The following AGK variants were observed in gnomAD, a reference collection of about 807,000 sequenced individuals.
AGK encodes acylglycerol kinase.
Under a neutral mutation model 66.4 loss-of-function variants are expected in AGK, and 52 were observed. The observed-to-expected ratio is 0.78, with a 90% CI of 0.63 to 0.99. The LOEUF (loss-of-function observed/expected upper bound fraction) is 0.99, where lower values mean the gene tolerates loss of function less well. Ranked by LOEUF, AGK falls within the 50% of genes least tolerant of loss-of-function variation. The pLI, the probability that AGK is intolerant of heterozygous loss-of-function variation, is 0.00. For missense variants in AGK, 451 were observed against 506.6 expected, an observed-to-expected ratio of 0.89 and a Z score of 1.05; for synonymous variants, 182 against 181.1, an observed-to-expected ratio of 1.00 and a Z score of -0.04.
Position 141,555,038 on chromosome 7 carries a change from C to T in AGK, c.-14-415C>T, listed in dbSNP as rs1291748137. 6.6e-6 allele frequency among the ~76,000 whole-genome samples: 1 copy of T among 151,600 alleles called. No homozygotes were observed. The highest frequency in any genetic ancestry group is 6.6e-5 in the Admixed American group (1 of 15,234). On this transcript the variant is annotated intron_variant, in intron 1 of 15. Transcript: ENST00000649286. This position sits in a 1 kb window ranked among gnomAD's most constrained non-coding sequence, Gnocchi z 4.2. ...ATATTATTATTTTTTGGGACACTTA[C>T]ATTATGATGGATAGACAAATGTATA...
At chr7:141,592,979 C>T (rs1402247799) in intron 2 of AGK, among the ~76,000 whole-genome samples, 167 bp from the exon 3 acceptor site, 1 of 149,520 alleles carries the variant, frequency 6.7e-6, no homozygotes, top group Non-Finnish European at 1.5e-5. Flanking sequence ...GCTGGGATTA[C>T]AGGCGTGAGC....
At position 141,638,656 on chromosome 7, in the gene AGK, A is replaced by G. The variant is rs568794246; in HGVS notation, c.726+1639A>G. 1.1e-3 allele frequency among the ~76,000 whole-genome samples: 168 copies of G among 152,306 alleles called. 1 individual carries two copies. The highest frequency in any genetic ancestry group is 3.9e-3 in the African/African-American group (164 of 41,570). On this transcript the variant is annotated intron_variant, in intron 11 of 15. Coordinates refer to ENST00000649286, the MANE Select transcript of AGK (RefSeq NM_018238.4). ...ATTGACAATAGAAGATGGATTAAAG[A>G]ACTCTTAAGTTAGAACCTCAAAAGT...
intron 5 of AGK, among the ~76,000 whole-genome samples, chr7:141,604,514 T>A (rs1197771854): frequency 6.6e-6 from 1 of 150,984 alleles, no homozygotes; most frequent in Non-Finnish European, 1.5e-5. Flanking sequence ...AAGGGCACTC[T>A]CTTATATAAC....
chr7:141,638,543 A>G (rs1269599950), intron 11 of AGK, among the ~76,000 whole-genome samples: 1 of 152,082 alleles, frequency 6.6e-6, no homozygotes, highest in Non-Finnish European at 1.5e-5. Flanking sequence ...AACAGATAGG[A>G]TGTAGGTAGC....
intron 9 of AGK, 35 bp from the exon 10 acceptor site, chr7:141,633,866 G>GT: frequency 6.4e-7 from 1 of 1,562,696 alleles, no homozygotes; most frequent in Non-Finnish European, 8.8e-7. Context: ...AGTGATTATA[G>GT]TCATGAATTT....
chr7:141,558,250 G>A (rs113394694), intron 2 of AGK, among the ~76,000 whole-genome samples: 2,500 of 151,548 alleles, frequency 0.016, 74 homozygotes, highest in African/African-American at 0.056. Context: ...CTCTGCCTCC[G>A]AGGTTCAAGT....
chr7:141,646,015 T>C (rs1246348389), intron 13 of AGK, among the ~76,000 whole-genome samples: 1 of 152,022 alleles, frequency 6.6e-6, no homozygotes, highest in Non-Finnish European at 1.5e-5. Flanking sequence ...TTGAACACAG[T>C]GAGCCTGATG....
intron 2 of AGK, among the ~76,000 whole-genome samples, chr7:141,572,162 A>T (rs943456797): frequency 6.6e-6 from 1 of 152,244 alleles, no homozygotes; most frequent in Non-Finnish European, 1.5e-5. Flanking sequence ...GGGAACAGTG[A>T]AAATTTTTAA....
At chr7:141,642,714 G>A (rs891509976) in intron 13 of AGK, among the ~76,000 whole-genome samples, 1 of 152,124 alleles carries the variant, frequency 6.6e-6, no homozygotes, top group African/African-American at 2.4e-5. Context: ...AATAATTTTT[G>A]TGAACAGAAA....
At chr7:141,651,647 T>A in intron 15 of AGK, 38 bp downstream of exon 15, 13 of 1,571,594 alleles carry the variant, frequency 8.3e-6, no homozygotes, top group Non-Finnish European at 1.1e-5. Context: ...AGCATTTGAT[T>A]CGTTCGTCAT....
chr7:141,615,635 G>T (rs2116963703), intron 8 of AGK, 70 bp downstream of exon 8: 1 of 1,217,438 alleles, frequency 8.2e-7, no homozygotes, highest in Non-Finnish European at 1.2e-6. Flanking sequence ...TTATGTGTAT[G>T]CTATAACTTT....
At chr7:141,642,137 C>T (rs765919402) in intron 13 of AGK, among the ~76,000 whole-genome samples, 69 of 152,198 alleles carry the variant, frequency 4.5e-4, no homozygotes, top group Non-Finnish European at 8.8e-4. Context: ...ACATGTTCTG[C>T]TCATTGCTTA....
At chr7:141,562,394 T>C (rs901445438) in intron 2 of AGK, among the ~76,000 whole-genome samples, 4 of 152,138 alleles carry the variant, frequency 2.6e-5, no homozygotes, top group Non-Finnish European at 5.9e-5. Flanking sequence ...TCTCAGGCGA[T>C]GGGTGGGGCC....
At chr7:141,571,128 G>GA (rs914362139) in intron 2 of AGK, among the ~76,000 whole-genome samples, 40 of 152,066 alleles carry the variant, frequency 2.6e-4, no homozygotes, top group African/African-American at 9.7e-4. Flanking sequence ...TTTGATTTTG[G>GA]AAAATACCTA....
intron 13 of AGK, 111 bp from the exon 14 acceptor site, chr7:141,649,152 T>G: frequency 1.9e-6 from 1 of 539,352 alleles, no homozygotes. Context: ...ACAAGTAGAG[T>G]CCCCTATCTA....
At chr7:141,603,949 G>A (rs1407456846) in intron 5 of AGK, among the ~76,000 whole-genome samples, 7 of 152,002 alleles carry the variant, frequency 4.6e-5, no homozygotes, top group Non-Finnish European at 7.4e-5. Context: ...GAAAAGTAGC[G>A]ATTCTCTTTT....
At chr7:141,554,518 AT>A (rs1044960174) in intron 1 of AGK, among the ~76,000 whole-genome samples, 1 of 152,134 alleles carries the variant, frequency 6.6e-6, no homozygotes, top group African/African-American at 2.4e-5. Flanking sequence ...GGGTAAAAAA[AT>A]ATTTAATTGC....
At chr7:141,637,760 G>A (rs1378064529) in intron 11 of AGK, among the ~76,000 whole-genome samples, 1 of 152,110 alleles carries the variant, frequency 6.6e-6, no homozygotes, top group Non-Finnish European at 1.5e-5. Context: ...GTTATTGAAT[G>A]TTTTTCTAAT....
chr7:141,632,518 T>C (rs1332760313), intron 9 of AGK, among the ~76,000 whole-genome samples: 1 of 152,178 alleles, frequency 6.6e-6, no homozygotes, highest in Non-Finnish European at 1.5e-5. Flanking sequence ...AGCTCCACTT[T>C]TCAACTTCCT....
Sources: allele counts gnomAD v4.1 joint callset (sites outside exome capture counted in the v4.1 genomes callset), GRCh38; gene constraint gnomAD v4.1.1; non-coding constraint Gnocchi (gnomAD v3.1); transcripts MANE v1.5; gene names NCBI Gene and HGNC (gene_info 2026-07-23, HGNC 2026-07-21).